RASSF3: variants seen among roughly 807,000 people sequenced by gnomAD.
The protein encoded by RASSF3 is ras association domain-containing protein 3.
A neutral mutation model predicts 19.9 loss-of-function variants in RASSF3; 19 were observed. That is an observed-to-expected ratio of 0.96 (90% CI 0.67 to 1.40). RASSF3 has a LOEUF of 1.40. RASSF3 is among the 40% of genes most tolerant of loss of function. RASSF3 has a pLI of 0.00. For missense variants in RASSF3, 306 were observed against 289.8 expected (o/e 1.06, Z -0.41); for synonymous variants, 110 against 104.2 (o/e 1.06, Z -0.34).
intron 2 of RASSF3, among the ~76,000 whole-genome samples, chr12:64,583,780 G>A (rs1181660924): frequency 6.6e-6 from 1 of 152,170 alleles, no homozygotes. Flanking sequence ...GATCTTGGTG[G>A]TGGAATTTGC....
Position 64,640,688 on chromosome 12 carries a change from G to C in RASSF3, c.111+29945G>C, listed in dbSNP as rs61611512. On this transcript the variant is annotated intron_variant, in intron 1 of 4. Transcript: ENST00000542104. ...GACAGGGTCTCACTCTGTTACCCAT[G>C]CTGGAGTGCAGTGGTGCAGTCATGG... is the stretch of plus-strand genomic sequence containing the variant. 7.0e-3 allele frequency among the ~76,000 whole-genome samples: 1,070 copies of C among 152,194 alleles called. 15 individuals carry two copies. Among genetic ancestry groups the C allele is most frequent in the African/African-American group, 0.025 (1,030 of 41,518 alleles).
chr12:64,661,455 C>G (rs970681470), intron 1 of RASSF3, among the ~76,000 whole-genome samples: 2 of 152,056 alleles, frequency 1.3e-5, no homozygotes, highest in African/African-American at 2.4e-5. Context: ...TGCACTCCAG[C>G]TTGGGCGACA....
In RASSF3 at chr12:64,695,205, G is replaced by GTTTTTTTTTT; in HGVS notation, c.*295_*304dup. On this transcript the variant is annotated 3_prime_UTR_variant, in exon 5 of 5. Coordinates refer to ENST00000542104, the MANE Select transcript of RASSF3 (RefSeq NM_178169.4). ...GCTTGGAAGCATGAACTCTGGGGGT[G>GTTTTTTTTTT]TTTTTTTTTTTGGTTATTTTAATTA... 1 of 237,946 alleles carries GTTTTTTTTTT rather than the reference G, an allele frequency of 4.2e-6. No individual in the cohort carries two copies. The highest frequency in any genetic ancestry group is 8.0e-6 in the Non-Finnish European group (1 of 125,336). 14.7% of individuals were successfully genotyped at this position (237,946 alleles called of 1,614,324 possible). A position where few individuals can be genotyped will look rare whatever the true frequency, so the allele number is the denominator to read the frequency against.
intron 4 of RASSF3, among the ~76,000 whole-genome samples, chr12:64,693,722 A>G (rs988443775): frequency 1.3e-5 from 2 of 152,190 alleles, no homozygotes; most frequent in Non-Finnish European, 2.9e-5. Flanking sequence ...CATGAGCCAC[A>G]ATGCCCAGCC....
intron 1 of RASSF3, among the ~76,000 whole-genome samples, chr12:64,675,045 G>GCCGC (rs1872834921): frequency 1.7e-5 from 1 of 57,490 alleles, no homozygotes; most frequent in African/African-American, 7.6e-5. Context: ...TACCCACCTA[G>GCCGC]CCCCCCCCCC....
At chr12:64,571,728 CT>C (rs899386965) in intron 2 of RASSF3, among the ~76,000 whole-genome samples, 1 of 151,558 alleles carries the variant, frequency 6.6e-6, no homozygotes, top group African/African-American at 2.4e-5. Context: ...ATTCGTGACA[CT>C]TTTTTTTTGT....
chr12:64,654,927 A>G (rs1396204331), intron 1 of RASSF3: 1 of 152,206 alleles, frequency 6.6e-6, no homozygotes, highest in Non-Finnish European at 1.5e-5. Context: ...ATTCACTGAT[A>G]AAGTTGACTT....
intron 1 of RASSF3, among the ~76,000 whole-genome samples, chr12:64,511,308 C>G (rs1323108052): frequency 6.6e-6 from 1 of 151,970 alleles, no homozygotes; most frequent in Non-Finnish European, 1.5e-5. Context: ...CTGGTGAAAC[C>G]CCGTCTCTAC....
intron 1 of RASSF3, among the ~76,000 whole-genome samples, chr12:64,648,472 A>G (rs905753802): frequency 6.6e-6 from 1 of 151,954 alleles, no homozygotes; most frequent in Admixed American, 6.6e-5. Context: ...GCTCTAGGGC[A>G]TAGTGGGTTA....
intron 1 of RASSF3, among the ~76,000 whole-genome samples, chr12:64,676,513 C>T (rs1257177977): frequency 2.1e-5 from 3 of 140,656 alleles, no homozygotes; most frequent in Non-Finnish European, 3.0e-5. Flanking sequence ...GCTCTGTCGC[C>T]CAGGCTTGAG....
At chr12:64,684,617 G>A (rs561550058) in intron 1 of RASSF3, among the ~76,000 whole-genome samples, 170 bp from the exon 2 acceptor site, 105 of 151,992 alleles carry the variant, frequency 6.9e-4, no homozygotes, top group Admixed American at 2.3e-3. Context: ...TTTTAGTAGA[G>A]ACAGGGTTTC....
chr12:64,540,099 C>G (rs554028372), intron 1 of RASSF3, among the ~76,000 whole-genome samples: 1 of 152,184 alleles, frequency 6.6e-6, no homozygotes, highest in South Asian at 2.1e-4. Context: ...TGAAGCTTAA[C>G]CCTGTGTTAT....
Position 64,688,359 on chromosome 12 carries a change from C to A in RASSF3, c.363C>A (p.Val121=). 1 of 1,614,148 alleles carries A rather than the reference C, an allele frequency of 6.2e-7. No homozygotes were observed. Among genetic ancestry groups the A allele is most frequent in the Non-Finnish European group, 8.5e-7 (1 of 1,180,024 alleles). Reference sequence around the variant, plus strand: ...TTCATATCAGCAGCACAAACACTGTCGGGGAAGTGATCGAGGCCCTGCTCA... The same window carrying A: ...TTCATATCAGCAGCACAAACACTGTAGGGGAAGTGATCGAGGCCCTGCTCA... The part of the protein sequence containing the change: ...NTLHISSTNT[V]GEVIEALLKK... Residue 121 remains valine (V), a synonymous_variant, in exon 3 of 5, where the codon GTC becomes GTA. Transcript: ENST00000542104.
chr12:64,589,071 A>G (rs1285476114), intron 2 of RASSF3, among the ~76,000 whole-genome samples: 2 of 152,246 alleles, frequency 1.3e-5, no homozygotes, highest in Admixed American at 6.5e-5. Flanking sequence ...AAGTATTCAA[A>G]TAACACCAAA....
rs1868371071 is a variant in RASSF3, at chr12:64,516,598, G to A, written c.169+9269G>A. Among the ~76,000 whole-genome samples the A allele has an allele frequency of 2.2e-5, 3 of 136,968 alleles. No homozygotes were observed. In the South Asian group the frequency reaches 7.1e-4, roughly 33 times the overall value. The allele number at this position is 136,968 out of a possible 152,430, so 89.9% of individuals were successfully genotyped here. A position where few individuals can be genotyped will look rare whatever the true frequency, so the allele number is the denominator to read the frequency against. On this transcript the variant is annotated intron_variant, in intron 1 of 5. Transcript: ENST00000637125. ...CCCGCCACTGCACTCCAGCCTGGGC[G>A]ACAGAGCGAGACTCCGTCTCAAAAA...
intron 2 of RASSF3, among the ~76,000 whole-genome samples, chr12:64,574,365 A>G (rs1565841679): frequency 6.6e-6 from 1 of 152,130 alleles, no homozygotes; most frequent in African/African-American, 2.4e-5. Flanking sequence ...GATGATAAAA[A>G]TCCTTAGCAA....
intron 2 of RASSF3, among the ~76,000 whole-genome samples, chr12:64,575,057 T>A (rs963520947): frequency 2.0e-5 from 3 of 152,072 alleles, no homozygotes; most frequent in Admixed American, 6.6e-5. Flanking sequence ...CCTTAGCCAA[T>A]GCAATAAGGC....
chr12:64,526,105 A>T (rs1451317601), intron 1 of RASSF3, among the ~76,000 whole-genome samples: 1 of 152,194 alleles, frequency 6.6e-6, no homozygotes, highest in Non-Finnish European at 1.5e-5. Context: ...CTGCTTTCCC[A>T]CACTCGGACA....
chr12:64,630,579 T>A (rs1871140488), intron 1 of RASSF3, among the ~76,000 whole-genome samples: 1 of 152,170 alleles, frequency 6.6e-6, no homozygotes, highest in South Asian at 2.1e-4. Context: ...AACTGTTCTT[T>A]TTACTCCCAG....
Sources: allele counts gnomAD v4.1 joint callset (sites outside exome capture counted in the v4.1 genomes callset), GRCh38; gene constraint gnomAD v4.1.1; transcripts MANE v1.5; gene names NCBI Gene and HGNC (gene_info 2026-07-23, HGNC 2026-07-21).